Variants in OMA1 observed in about 807,000 individuals in gnomAD.
The protein encoded by OMA1 is OMA1 zinc metallopeptidase.
Under a neutral mutation model 30.9 loss-of-function variants are expected in OMA1, and 38 were observed. The observed-to-expected ratio is 1.23, with a 90% CI of 0.95 to 1.61. OMA1 has a LOEUF of 1.61. Among genes scored for constraint, OMA1 ranks in the 40% most tolerant of loss-of-function variants. The pLI, the probability that OMA1 is intolerant of heterozygous loss-of-function variation, is 0.00. For missense variants in OMA1, 461 were observed against 349.2 expected, an observed-to-expected ratio of 1.32 and a Z score of -2.55; for synonymous variants, 173 against 121.9, an observed-to-expected ratio of 1.42 and a Z score of -2.76.
At chr1:58,489,721 C>A (rs1447281957) in intron 8 of OMA1, among the ~76,000 whole-genome samples, 2 of 152,142 alleles carry the variant, frequency 1.3e-5, no homozygotes, top group African/African-American at 4.8e-5. Flanking sequence ...CCTCACAGGG[C>A]CGGGTACTCC....
chr1:58,509,329 C>T (rs1483960324), intron 7 of OMA1, among the ~76,000 whole-genome samples: 1 of 151,282 alleles, frequency 6.6e-6, no homozygotes, highest in Non-Finnish European at 1.5e-5. Flanking sequence ...TCAACAAAGA[C>T]ACAGAAAATG....
intron 1 of OMA1, chr1:58,541,614 C>CAAAAAAAAAA (rs60360589): frequency 2.4e-4 from 16 of 65,624 alleles, no homozygotes; most frequent in African/African-American, 3.6e-4. Context: ...GAGAACCTGT[C>CAAAAAAAAAA]AAAAAAAAAA....
chr1:58,514,796 T>C (rs1040990463), intron 7 of OMA1, among the ~76,000 whole-genome samples: 5 of 152,064 alleles, frequency 3.3e-5, no homozygotes, highest in Non-Finnish European at 7.4e-5. Context: ...AAAACCAAAA[T>C]TGTTTCCAGC....
At chr1:58,507,819 A>C (rs576164823) in intron 7 of OMA1, among the ~76,000 whole-genome samples, 1 of 152,300 alleles carries the variant, frequency 6.6e-6, no homozygotes, top group South Asian at 2.1e-4. Flanking sequence ...ATAAAAATAC[A>C]GGCTGAGATT....
intron 2 of OMA1, among the ~76,000 whole-genome samples, chr1:58,537,302 A>G (rs1301458006): frequency 3.3e-5 from 5 of 152,150 alleles, no homozygotes; most frequent in African/African-American, 1.2e-4. Context: ...TATACCTGGA[A>G]CCACTACTTT....
chr1:58,492,622 A>G (rs1645717939), intron 8 of OMA1, among the ~76,000 whole-genome samples: 1 of 152,254 alleles, frequency 6.6e-6, no homozygotes, highest in Non-Finnish European at 1.5e-5. Context: ...CTACCATCAG[A>G]GAATACTATA....
At chr1:58,503,106 G>A (rs1400738818) in intron 8 of OMA1, among the ~76,000 whole-genome samples, 1 of 152,088 alleles carries the variant, frequency 6.6e-6, no homozygotes, top group Non-Finnish European at 1.5e-5. Context: ...CAGAATTTAG[G>A]AGTCTTCACA....
At chr1:58,489,571 G>C (rs1645640011) in intron 8 of OMA1, among the ~76,000 whole-genome samples, 1 of 152,196 alleles carries the variant, frequency 6.6e-6, no homozygotes, top group African/African-American at 2.4e-5. Context: ...AAATGTCCCT[G>C]TCTGACAGCT....
rs746371650 is a variant in OMA1, at chr1:58,530,619, T to C, written c.1122A>G (p.Ile374Met). 4 of 872,540 alleles carry C rather than the reference T, an allele frequency of 4.6e-6. No individual in the cohort carries two copies. The highest frequency in any genetic ancestry group is 6.0e-6 in the Non-Finnish European group (3 of 501,506). The allele number at this position is 872,540 out of a possible 1,614,324, so 54.0% of individuals were successfully genotyped here. The change falls in exon 6 of 9, where the codon ATA becomes ATG. Residue 374 changes from isoleucine to methionine, a missense_variant. Ile to Met is a conservative substitution (Grantham distance 10). Coordinates refer to ENST00000371226, the MANE Select transcript of OMA1 (RefSeq NM_145243.5). ...RDSLALLCQW[I>M]QSKLQEYMFN... Reference sequence around the variant, plus strand: ...GACTTACCTCCTGCAATTTAGACTGTATCCACTGGCACAAAAGTGCCAAGC... The same window carrying C: ...GACTTACCTCCTGCAATTTAGACTGCATCCACTGGCACAAAAGTGCCAAGC...
At chr1:58,484,108 A>T (rs1231940743) in intron 8 of OMA1, among the ~76,000 whole-genome samples, 1 of 152,170 alleles carries the variant, frequency 6.6e-6, no homozygotes, top group South Asian at 2.1e-4. Flanking sequence ...TAATACAACA[A>T]ATATTTAGAA....
chr1:58,499,922 T>C (rs974693486), intron 8 of OMA1, among the ~76,000 whole-genome samples: 1 of 151,912 alleles, frequency 6.6e-6, no homozygotes. Context: ...AAGTAAAACA[T>C]CAACTACTTA....
chr1:58,538,731 G>T, intron 2 of OMA1, 64 bp downstream of exon 2: 1 of 682,284 alleles, frequency 1.5e-6, no homozygotes, highest in South Asian at 2.3e-5. Context: ...AAGTTAATAC[G>T]TTAGCACAAA....
intron 7 of OMA1, among the ~76,000 whole-genome samples, chr1:58,511,426 T>C (rs919910418): frequency 6.6e-6 from 1 of 151,978 alleles, no homozygotes; most frequent in South Asian, 2.1e-4. Flanking sequence ...GGCACATGGA[T>C]TGCTTGAGAC....
intron 8 of OMA1, among the ~76,000 whole-genome samples, chr1:58,491,926 C>T (rs1645700559): frequency 6.6e-6 from 1 of 152,172 alleles, no homozygotes; most frequent in Non-Finnish European, 1.5e-5. Flanking sequence ...TAATAGACAT[C>T]TACAGAACTC....
intron 7 of OMA1, among the ~76,000 whole-genome samples, chr1:58,512,798 C>A (rs748849977): frequency 1.3e-5 from 2 of 151,926 alleles, no homozygotes; most frequent in Non-Finnish European, 1.5e-5. Flanking sequence ...CTCAGTTCTG[C>A]AAAATGAATA....
At chr1:58,486,577 A>G (rs1370070230) in intron 8 of OMA1, among the ~76,000 whole-genome samples, 1 of 152,168 alleles carries the variant, frequency 6.6e-6, no homozygotes, top group Non-Finnish European at 1.5e-5. Context: ...TCAACTTCTC[A>G]TAGGTACTAT....
At position 58,492,637 on chromosome 1, in the gene OMA1, C is replaced by T. The variant is rs545662196; in HGVS notation, c.1366-11463G>A. 3.6e-3 allele frequency among the ~76,000 whole-genome samples: 555 copies of T among 152,268 alleles called. 10 individuals are homozygous for T. Among genetic ancestry groups the T allele is most frequent in the East Asian group, 1.2e-3 (6 of 5,188 alleles). On this transcript the variant is annotated intron_variant, in intron 8 of 8. Coordinates refer to ENST00000371226, the MANE Select transcript of OMA1 (RefSeq NM_145243.5). ...CTACCATCAGAGAATACTATAAACACCTCTACACAAATAAACTAGAAAATC... is the reference window on the plus strand; with the variant it reads ...CTACCATCAGAGAATACTATAAACATCTCTACACAAATAAACTAGAAAATC...
At chr1:58,505,235 A>T (rs1300306796) in intron 8 of OMA1, among the ~76,000 whole-genome samples, 1 of 152,248 alleles carries the variant, frequency 6.6e-6, no homozygotes, top group Non-Finnish European at 1.5e-5. Context: ...AACAGGCATG[A>T]GAAAGATACT....
At chr1:58,486,441 T>C (rs750460416) in intron 8 of OMA1, among the ~76,000 whole-genome samples, 2 of 152,210 alleles carry the variant, frequency 1.3e-5, no homozygotes, top group African/African-American at 2.4e-5. Context: ...GCTAAATTTC[T>C]ATAAGGGAGT....
Sources: gnomAD v4.1 joint callset for allele counts (sites outside exome capture counted in the v4.1 genomes callset) on GRCh38, gnomAD v4.1.1 for gene constraint, MANE v1.5 for transcripts, NCBI Gene and HGNC (gene_info 2026-07-23, HGNC 2026-07-21) for gene names.